The following UCHL3 variants were observed in gnomAD, a reference collection of about 807,000 sequenced individuals.
The protein encoded by UCHL3 is ubiquitin C-terminal hydrolase L3.
A neutral mutation model predicts 35.8 loss-of-function variants in UCHL3; 22 were observed. The ratio of observed to expected loss-of-function variants is 0.61; its 90% confidence interval spans 0.44 to 0.88. The LOEUF (loss-of-function observed/expected upper bound fraction) is 0.88. Among genes scored for constraint, UCHL3 ranks in the 40% least tolerant of loss-of-function variants. The pLI is 0.00. For missense variants in UCHL3, 229 were observed against 276.9 expected, an observed-to-expected ratio of 0.83 and a Z score of 1.23; for synonymous variants, 90 against 92.8, an observed-to-expected ratio of 0.97 and a Z score of 0.17.
chr13:75,605,079 G>C (rs8192764), intron 8 of UCHL3: 274,862 of 342,186 alleles, frequency 0.8, 111,728 homozygotes, highest in Middle Eastern at 0.87. Flanking sequence ...CATTATATCC[G>C]AGATTTCATC....
chr13:75,580,391 GT>G (rs1022217995), intron 6 of UCHL3, among the ~76,000 whole-genome samples: 1 of 152,140 alleles, frequency 6.6e-6, no homozygotes, highest in African/African-American at 2.4e-5. Context: ...AACTCATAAA[GT>G]TATACATGTA....
intron 6 of UCHL3, among the ~76,000 whole-genome samples, chr13:75,590,523 T>C (rs2032453416): frequency 6.6e-6 from 1 of 152,184 alleles, no homozygotes; most frequent in Non-Finnish European, 1.5e-5. Flanking sequence ...CATCTATTAC[T>C]TTATTATTAT....
chr13:75,593,854 T>C (rs1006143519), intron 6 of UCHL3, among the ~76,000 whole-genome samples: 5 of 152,174 alleles, frequency 3.3e-5, no homozygotes, highest in Admixed American at 3.3e-4. Flanking sequence ...AAACTTCATA[T>C]TACAACTACT....
At chr13:75,555,185 A>T (rs968848663) in intron 2 of UCHL3, among the ~76,000 whole-genome samples, 6 of 151,122 alleles carry the variant, frequency 4.0e-5, no homozygotes. Flanking sequence ...TGAGTCATCC[A>T]CTCCTGTTTG....
chr13:75,601,076 G>A (rs142421905), intron 7 of UCHL3, among the ~76,000 whole-genome samples: 1 of 152,344 alleles, frequency 6.6e-6, no homozygotes, highest in Non-Finnish European at 1.5e-5. Context: ...AGGGGAGCCT[G>A]AAGATGTGAC....
At chr13:75,592,329 A>T (rs775907688) in intron 6 of UCHL3, among the ~76,000 whole-genome samples, 1 of 148,680 alleles carries the variant, frequency 6.7e-6, no homozygotes, top group Non-Finnish European at 1.5e-5. Flanking sequence ...GAATAGTCAT[A>T]CTACATCTAT....
At chr13:75,588,558 T>C (rs1171148736) in intron 6 of UCHL3, among the ~76,000 whole-genome samples, 2 of 152,162 alleles carry the variant, frequency 1.3e-5, no homozygotes, top group Non-Finnish European at 2.9e-5. Context: ...GACTGATTCT[T>C]ATTATGAGCC....
chr13:75,551,448 A>G (rs892150557), intron 2 of UCHL3, among the ~76,000 whole-genome samples: 1 of 150,662 alleles, frequency 6.6e-6, no homozygotes, highest in African/African-American at 2.4e-5. Flanking sequence ...AAAAAAAAAG[A>G]CACTTCCTAA....
At chr13:75,592,463 T>TGTATATAC (rs2032535290) in intron 6 of UCHL3, among the ~76,000 whole-genome samples, 37 of 109,496 alleles carry the variant, frequency 3.4e-4, no homozygotes, top group Non-Finnish European at 5.3e-4. Flanking sequence ...TATATATATA[T>TGTATATAC]ATATGAAGGA....
intron 6 of UCHL3, among the ~76,000 whole-genome samples, chr13:75,592,662 G>T: frequency 6.6e-6 from 1 of 151,114 alleles, no homozygotes; most frequent in Non-Finnish European, 1.5e-5. Context: ...CTGACTGAAG[G>T]AAAGGGCTTA....
At chr13:75,592,468 GAAGGAAAAAAGATCCCATC>G (rs2032537341) in intron 6 of UCHL3, among the ~76,000 whole-genome samples, 1 of 23,316 alleles carries the variant, frequency 4.3e-5, no homozygotes, top group Non-Finnish European at 8.0e-5. Flanking sequence ...ATATATATAT[GAAGGAAAAAAGATCCCATC>G]TATAGCCTTT....
At chr13:75,591,716 C>T (rs1048034236) in intron 6 of UCHL3, among the ~76,000 whole-genome samples, 4 of 152,134 alleles carry the variant, frequency 2.6e-5, no homozygotes, top group African/African-American at 9.7e-5. Context: ...GCTATATGAC[C>T]TACAGCGTGT....
At chr13:75,604,911 C>A (rs2032889300) in intron 8 of UCHL3, 84 bp downstream of exon 8, 2 of 1,198,512 alleles carry the variant, frequency 1.7e-6, no homozygotes, top group South Asian at 1.8e-5. Flanking sequence ...ATAACATTTT[C>A]TTTGTATTTG....
intron 2 of UCHL3, among the ~76,000 whole-genome samples, chr13:75,558,698 G>T (rs2031376739): frequency 6.6e-6 from 1 of 152,152 alleles, no homozygotes; most frequent in Non-Finnish European, 1.5e-5. Context: ...TAGACATACA[G>T]ATGGCTAGGT....
At chr13:75,573,043 T>G (rs1452634741) in intron 6 of UCHL3, among the ~76,000 whole-genome samples, 4 of 152,222 alleles carry the variant, frequency 2.6e-5, no homozygotes, top group Non-Finnish European at 5.9e-5. Context: ...GGCAGGCGGA[T>G]CACCTGAGTT....
At chr13:75,551,000 A>G (rs1036447614) in intron 2 of UCHL3, among the ~76,000 whole-genome samples, 9 of 152,212 alleles carry the variant, frequency 5.9e-5, no homozygotes, top group Admixed American at 5.2e-4. Context: ...AATCAGGCTA[A>G]GGAAGTTCCT....
intron 3 of UCHL3, among the ~76,000 whole-genome samples, 180 bp from the exon 4 acceptor site, chr13:75,566,515 G>A (rs2031686998): frequency 1.3e-5 from 2 of 152,078 alleles, no homozygotes; most frequent in African/African-American, 4.8e-5. Context: ...CACCTTCACT[G>A]GCTACTGCTA....
chr13:75,567,119 A>G (rs2031709509), intron 4 of UCHL3, 108 bp from the exon 5 acceptor site: 1 of 1,049,222 alleles, frequency 9.5e-7, no homozygotes, highest in Non-Finnish European at 1.4e-6. Context: ...CTAACCTACC[A>G]ATGAAAGAAT....
intron 6 of UCHL3, among the ~76,000 whole-genome samples, chr13:75,592,414 TCATATATATATATATATATATATATATA>T (rs2032501325): frequency 5.5e-5 from 1 of 18,140 alleles, no homozygotes; most frequent in African/African-American, 1.6e-4. Context: ...AATTTTTCCT[TCATATATATATATATATATATATATATA>T]TATATATATA....
Sources: allele counts gnomAD v4.1 joint callset (sites outside exome capture counted in the v4.1 genomes callset), GRCh38; gene constraint gnomAD v4.1.1; transcripts MANE v1.5; gene names NCBI Gene and HGNC (gene_info 2026-07-23, HGNC 2026-07-21).